The following SGCD variants were observed in gnomAD, a reference collection of about 807,000 sequenced individuals.
SGCD encodes sarcoglycan delta.
In SGCD, 18 loss-of-function variants were observed where a neutral mutation model predicts 36.6. The ratio of observed to expected loss-of-function variants is 0.49; its 90% CI spans 0.34 to 0.73. SGCD has a LOEUF of 0.73. Among genes scored for constraint, SGCD ranks in the 30% least tolerant of loss-of-function variants. The pLI is 0.01. For synonymous variants in SGCD, 133 were observed against 130.6 expected (o/e 1.02, Z -0.12); for missense variants, 387 against 346.7 (o/e 1.12, Z -0.92).
At chr5:156,656,142 T>G (rs1763665493) in intron 7 of SGCD, among the ~76,000 whole-genome samples, 1 of 152,180 alleles carries the variant, frequency 6.6e-6, no homozygotes, top group Non-Finnish European at 1.5e-5. Context: ...AAAATGTCTT[T>G]ATAAAAGAAT....
At chr5:156,306,578 G>A (rs569931690) in intron 3 of SGCD, among the ~76,000 whole-genome samples, 3 of 152,298 alleles carry the variant, frequency 2.0e-5, no homozygotes, top group African/African-American at 2.4e-5. Flanking sequence ...TCTCCCCCAA[G>A]CACACAGATT....
At chr5:156,426,575 C>T (rs1465532268) in intron 3 of SGCD, among the ~76,000 whole-genome samples, 3 of 151,996 alleles carry the variant, frequency 2.0e-5, no homozygotes, top group Admixed American at 2.0e-4. Flanking sequence ...AATTAGGTCT[C>T]ATTTATTTAT....
chr5:156,464,328 C>A (rs1459568662), intron 3 of SGCD, among the ~76,000 whole-genome samples: 1 of 146,754 alleles, frequency 6.8e-6, no homozygotes. Context: ...TCAATTGATT[C>A]TCCTGCCTCA....
intron 3 of SGCD, among the ~76,000 whole-genome samples, chr5:156,124,598 A>G (rs944694025): frequency 6.6e-6 from 1 of 152,218 alleles, no homozygotes; most frequent in African/African-American, 2.4e-5. Flanking sequence ...TCAACAAAGT[A>G]TGCATTTGCG....
chr5:155,921,720 C>T (rs1000603788), intron 1 of SGCD, among the ~76,000 whole-genome samples: 2 of 152,154 alleles, frequency 1.3e-5, no homozygotes, highest in African/African-American at 4.8e-5. Flanking sequence ...ATATAATAAA[C>T]ATTGGTCAGC....
At chr5:156,732,924 C>T (rs1187057300) in intron 7 of SGCD, among the ~76,000 whole-genome samples, 1 of 152,204 alleles carries the variant, frequency 6.6e-6, no homozygotes, top group Middle Eastern at 3.4e-3. Context: ...GGTAACATCT[C>T]CCTTGTCGTT....
chr5:155,770,983 A>G, the SGCD span, among the ~76,000 whole-genome samples: 1 of 152,112 alleles, frequency 6.6e-6, no homozygotes, highest in African/African-American at 2.4e-5. Flanking sequence ...GAGAGGTTTT[A>G]ATTTTTTTCT....
chr5:156,080,678 G>T (rs1025040017), intron 1 of SGCD, among the ~76,000 whole-genome samples: 2 of 152,192 alleles, frequency 1.3e-5, no homozygotes, highest in Admixed American at 6.5e-5. Context: ...ACACAATGCA[G>T]CCCAGTTCTT....
intron 7 of SGCD, among the ~76,000 whole-genome samples, chr5:156,652,651 T>C (rs960722278): frequency 1.8e-4 from 27 of 152,302 alleles, no homozygotes; most frequent in African/African-American, 6.3e-4. Context: ...TAGGCATCCT[T>C]GCCTCATTCC....
the SGCD span, among the ~76,000 whole-genome samples, chr5:155,840,841 G>T: frequency 2.0e-5 from 3 of 151,396 alleles, no homozygotes; most frequent in East Asian, 5.9e-4. Context: ...GAGAAACCCT[G>T]TCTCTACTGA....
the SGCD span, among the ~76,000 whole-genome samples, chr5:155,738,659 AGT>A: frequency 1.2e-4 from 18 of 150,718 alleles, no homozygotes; most frequent in Admixed American, 6.6e-4. Context: ...TGTGTGAGAG[AGT>A]GTGTGTGTGT....
At chr5:155,821,913 G>A in the SGCD span, among the ~76,000 whole-genome samples, 3 of 152,182 alleles carry the variant, frequency 2.0e-5, no homozygotes, top group Non-Finnish European at 4.4e-5. Flanking sequence ...GAGGATTTTT[G>A]TGAAGACTAT....
chr5:156,458,843 G>A (rs543926043), intron 3 of SGCD, among the ~76,000 whole-genome samples: 1 of 152,282 alleles, frequency 6.6e-6, no homozygotes, highest in Non-Finnish European at 1.5e-5. Flanking sequence ...CTAGAACATG[G>A]TGAGTCTTCA....
At chr5:156,472,712 C>T (rs149475636) in intron 3 of SGCD, among the ~76,000 whole-genome samples, 3,024 of 152,308 alleles carry the variant, frequency 0.02, 45 homozygotes, top group Non-Finnish European at 0.031. Context: ...AGTAAGCCAC[C>T]ATGCCCAGCC....
At chr5:156,240,835 A>G (rs887882604) in intron 3 of SGCD, among the ~76,000 whole-genome samples, 2 of 152,364 alleles carry the variant, frequency 1.3e-5, no homozygotes, top group African/African-American at 4.8e-5. Context: ...AAACAAAACC[A>G]AAAGCCGACA....
chr5:156,229,291 T>TACAC (rs1561575001), intron 3 of SGCD, among the ~76,000 whole-genome samples: 1 of 122,268 alleles, frequency 8.2e-6, no homozygotes, highest in African/African-American at 3.2e-5. Flanking sequence ...TATATATATA[T>TACAC]ATATATATAA....
At chr5:156,594,024 GT>G (rs2113385818) in intron 5 of SGCD, among the ~76,000 whole-genome samples, 1 of 152,258 alleles carries the variant, frequency 6.6e-6, no homozygotes, top group South Asian at 2.1e-4. Context: ...TTATTCCTGT[GT>G]GTTTCTGTAG....
chr5:156,181,803 G>A (rs995154927), intron 3 of SGCD, among the ~76,000 whole-genome samples: 1 of 152,194 alleles, frequency 6.6e-6, no homozygotes, highest in African/African-American at 2.4e-5. Flanking sequence ...CCAGACTCAA[G>A]TTTAGTTAAA....
chr5:155,872,008 C>CA (rs1755665291), intron 1 of SGCD, among the ~76,000 whole-genome samples: 1 of 152,190 alleles, frequency 6.6e-6, no homozygotes, highest in Non-Finnish European at 1.5e-5. Context: ...GTGAGCCAGG[C>CA]AGTTGTGTTC....
Sources: gnomAD v4.1 joint callset for allele counts (sites outside exome capture counted in the v4.1 genomes callset) on GRCh38, gnomAD v4.1.1 for gene constraint, MANE v1.5 for transcripts, NCBI Gene and HGNC (gene_info 2026-07-23, HGNC 2026-07-21) for gene names.